Variants in MED23 observed in about 807,000 individuals in gnomAD.
MED23 encodes mediator complex subunit 23, also known as mediator of RNA polymerase II transcription subunit 23.
In MED23, 105 loss-of-function variants were observed where a neutral mutation model predicts 163.9. The observed-to-expected ratio is 0.64, with a 90% CI of 0.55 to 0.75. MED23 has a LOEUF of 0.75. MED23 is among the 30% of genes least tolerant of loss of function. The pLI, the probability that MED23 is intolerant of heterozygous loss-of-function variation, is 0.00. For missense variants in MED23, 1,054 were observed against 1,649.0 expected (o/e 0.64, Z 6.25); for synonymous variants, 561 against 565.6 (o/e 0.99, Z 0.12).
rs181258020 is a variant in MED23, at chr6:131,594,301, G to A, written c.3030C>T (p.His1010=). The part of the protein sequence containing the change: ...RPVTYLYNTL[H]YYEMHLRDRA... Reference sequence around the variant, plus strand: ...GGTCTCTCAGGTGCATTTCATAATAGTGCAGAGTGTTATACAGATAAGTCA... The same window carrying A: ...GGTCTCTCAGGTGCATTTCATAATAATGCAGAGTGTTATACAGATAAGTCA... The change falls in exon 23 of 29, where the codon CAC becomes CAT. Residue 1010 remains histidine, a synonymous_variant. Transcript: ENST00000368068. 16 of 1,614,014 alleles carry A rather than the reference G, an allele frequency of 9.9e-6. No individual in the cohort carries two copies. In the African/African-American group the frequency reaches 1.2e-4, roughly 12 times the overall value.
chr6:131,593,974 G>T, intron 23 of MED23, 125 bp downstream of exon 23: 1 of 739,664 alleles, frequency 1.4e-6, no homozygotes, highest in Non-Finnish European at 2.2e-6. Flanking sequence ...GATGAAAATG[G>T]AAGTGATCTT....
chr6:131,575,910 C>A (rs1023920569), intron 30 of MED23, among the ~76,000 whole-genome samples: 1 of 152,154 alleles, frequency 6.6e-6, no homozygotes, highest in Non-Finnish European at 1.5e-5. Flanking sequence ...TTTTCAGCTC[C>A]CAGATGATGA....
Position 131,618,397 on chromosome 6 carries a change from A to G in MED23, c.780+10T>C, listed in dbSNP as rs761150732. 2 of 1,581,624 alleles carry G rather than the reference A, an allele frequency of 1.3e-6. No individual in the cohort carries two copies. The highest frequency in any genetic ancestry group is 1.7e-6 in the Non-Finnish European group (2 of 1,150,726). ...ATGGACTAAAAGTGCCATTATATTT[A>G]GCAACATACCTTATCATATGGCAAA... On this transcript the variant is annotated intron_variant, in intron 9 of 28. Coordinates refer to ENST00000368068, the MANE Select transcript of MED23 (RefSeq NM_004830.4).
chr6:131,607,852 C>T (rs2114684049), intron 12 of MED23, 76 bp downstream of exon 12: 1 of 1,508,806 alleles, frequency 6.6e-7, no homozygotes, highest in Non-Finnish European at 9.2e-7. Context: ...CACAAAATCA[C>T]ACTAAAATCC....
At chr6:131,591,212 T>C (rs1212476553) in intron 26 of MED23, 101 bp downstream of exon 26, 13 of 863,464 alleles carry the variant, frequency 1.5e-5, no homozygotes, top group African/African-American at 1.7e-5. Context: ...TCGCCTGACC[T>C]TGTGATCTGC....
At chr6:131,609,506 CTTTTTTT>C (rs71030751) in intron 11 of MED23, among the ~76,000 whole-genome samples, 59 of 98,018 alleles carry the variant, frequency 6.0e-4, no homozygotes, top group Middle Eastern at 6.1e-3. Context: ...GAGACTATTC[CTTTTTTT>C]TTTTTTTTTT....
Position 131,606,727 on chromosome 6 carries a change from T to C in MED23, c.1222-103A>G, listed in dbSNP as rs1001278223. ...ATTTCTAATATAACTCTTTTTAGCA[T>C]ATCATGTCTTACTTTAGCCCCGATA... On this transcript the variant is annotated intron_variant, in intron 12 of 28. Transcript: ENST00000368068. 6.9e-6 allele frequency: 7 copies of C among 1,021,598 alleles called. No individual in the cohort carries two copies. The African/African-American group carries it at 1.1e-4, about 16-fold the overall frequency. 63.3% of individuals were successfully genotyped at this position (1,021,598 alleles called of 1,614,324 possible).
Position 131,592,383 on chromosome 6 carries a change from C to A in MED23, c.3471+5G>T, listed in dbSNP as rs370206942. On this transcript the variant is annotated splice_donor_5th_base_variant and intron_variant, in intron 25 of 28. Transcript: ENST00000368068. ...ACTAAGTACAAATCACAATTATTAACTCACTGGTAGGGCAGTGATGATCAA... is the reference window on the plus strand; with the variant it reads ...ACTAAGTACAAATCACAATTATTAAATCACTGGTAGGGCAGTGATGATCAA... The A allele has an allele frequency of 3.7e-6, 6 of 1,610,364 alleles. No individual in the cohort carries two copies. Among genetic ancestry groups the A allele is most frequent in the Non-Finnish European group, 5.1e-6 (6 of 1,176,748 alleles).
downstream of MED23, chr6:131,584,038 T>C: frequency 9.9e-7 from 1 of 1,005,958 alleles, no homozygotes; most frequent in Non-Finnish European, 1.4e-6. Context: ...TAGTATAAAC[T>C]CTACAAATTC....
Position 131,592,985 on chromosome 6 carries a change from T to C in MED23, c.3398+21A>G, listed in dbSNP as rs373849459. ...TTTACAAATAAACAACAAATCTTAC[T>C]GCATGAACCAGAATACATACCTTTT... On this transcript the variant is annotated intron_variant, in intron 24 of 28. Transcript: ENST00000368068. 61 of 1,613,816 alleles carry C rather than the reference T, an allele frequency of 3.8e-5. No individual in the cohort carries two copies. The African/African-American group carries it at 7.2e-4, about 19-fold the overall frequency.
downstream of MED23, among the ~76,000 whole-genome samples, chr6:131,586,298 G>A (rs1774176436): frequency 1.3e-5 from 2 of 152,024 alleles, no homozygotes; most frequent in Admixed American, 1.3e-4. Flanking sequence ...TACAAGGGAG[G>A]CTGAGGCAGG....
downstream of MED23, chr6:131,583,492 G>A: frequency 6.2e-7 from 1 of 1,614,014 alleles, no homozygotes; most frequent in Non-Finnish European, 8.5e-7. Context: ...TACAAAACAG[G>A]TAGTTAACAA....
At chr6:131,590,810 G>T (rs1283661827) in intron 26 of MED23, among the ~76,000 whole-genome samples, 4 of 151,940 alleles carry the variant, frequency 2.6e-5, no homozygotes, top group Admixed American at 2.6e-4. Context: ...GTAGAGACGG[G>T]GTTTCACCAT....
chr6:131,620,049 C>T (rs1776979566), intron 7 of MED23, among the ~76,000 whole-genome samples, 153 bp from the exon 8 acceptor site: 1 of 152,078 alleles, frequency 6.6e-6, no homozygotes, highest in Admixed American at 6.6e-5. Context: ...CTTTTGCTTC[C>T]TTCTAAAAAA....
intron 30 of MED23, chr6:131,581,082 A>G (rs937413778): frequency 1.3e-6 from 1 of 799,184 alleles, no homozygotes; most frequent in Non-Finnish European, 2.1e-6. Flanking sequence ...ACTAATTGGC[A>G]TCTCCAATTC....
intron 2 of MED23, 25 bp from the exon 3 acceptor site, chr6:131,627,508 T>A: frequency 1.2e-6 from 2 of 1,604,602 alleles, no homozygotes; most frequent in Non-Finnish European, 8.5e-7. Context: ...ATTACATTAT[T>A]TGTCATTCGT....
intron 11 of MED23, among the ~76,000 whole-genome samples, chr6:131,609,351 C>T (rs567356305): frequency 2.0e-5 from 3 of 152,072 alleles, no homozygotes; most frequent in African/African-American, 7.2e-5. Flanking sequence ...TTTTTATTTC[C>T]AGTTCTCACA....
At chr6:131,617,283 C>A (rs1346235793) in intron 9 of MED23, among the ~76,000 whole-genome samples, 2 of 150,764 alleles carry the variant, frequency 1.3e-5, no homozygotes, top group Non-Finnish European at 3.0e-5. Context: ...TTCTTCTTAT[C>A]AACCTCAAGT....
chr6:131,579,535 CTAAA>C lies in MED23; in HGVS notation c.4096-5244_4096-5241del. On this transcript the variant is annotated intron_variant, in intron 30 of 30. Transcript: ENST00000354577. ...TGTATGAAATATGAATGGATTTCATCTAAATATTCATCACAAGCTTACATTTCTA... is the reference window on the plus strand; with the variant it reads ...TGTATGAAATATGAATGGATTTCATCTATTCATCACAAGCTTACATTTCTA... 8.3e-6 allele frequency: 3 copies of C among 361,786 alleles called. No individual in the cohort carries two copies. In the Middle Eastern group the frequency reaches 2.5e-3, roughly 302 times the overall value. 22.4% of individuals were successfully genotyped at this position (361,786 alleles called of 1,614,324 possible). A position where few individuals can be genotyped will look rare whatever the true frequency, so the allele number is the denominator to read the frequency against.
Sources: gnomAD v4.1 joint callset for allele counts (sites outside exome capture counted in the v4.1 genomes callset) on GRCh38, gnomAD v4.1.1 for gene constraint, MANE v1.5 for transcripts, NCBI Gene and HGNC (gene_info 2026-07-23, HGNC 2026-07-21) for gene names.